The following ABCF1 variants were observed in gnomAD, a reference collection of about 807,000 sequenced individuals.
ABCF1 encodes the protein ATP-binding cassette sub-family F member 1.
ABCF1 carries 73 observed loss-of-function variants against 126.3 expected under a neutral mutation model. That is an observed-to-expected ratio of 0.58 (90% CI 0.48 to 0.70). The LOEUF is 0.70. Among genes scored for constraint, ABCF1 ranks in the 30% least tolerant of loss-of-function variants. ABCF1 has a pLI of 0.00. For synonymous variants in ABCF1, 345 were observed against 396.4 expected, an observed-to-expected ratio of 0.87 and a Z score of 1.54; for missense variants, 786 against 1,057.5, an observed-to-expected ratio of 0.74 and a Z score of 3.56.
At position 30,580,420 on chromosome 6, in the gene ABCF1, C is replaced by T. The variant is rs760626005; in HGVS notation, c.579C>T (p.Phe193=). 4.8e-5 allele frequency: 73 copies of T among 1,534,096 alleles called. No individual in the cohort carries two copies. Among genetic ancestry groups the T allele is most frequent in the Middle Eastern group, 1.7e-4 (1 of 5,880 alleles). Residue 193 remains phenylalanine (F), a synonymous_variant, in exon 8 of 25, where the codon TTC becomes TTT. Transcript: ENST00000326195. ...SKGKAKPQNK[F]AALDNEEEDK... is the part of the protein sequence containing the mutation. Reference sequence around the variant, plus strand: ...TTCCCTATTAGCCTCAAAATAAATTCGCTGCTCTGGACAATGAAGAGGAGG... The same window carrying T: ...TTCCCTATTAGCCTCAAAATAAATTTGCTGCTCTGGACAATGAAGAGGAGG...
At chr6:30,585,221 TTCTC>T (rs1802047161) in intron 14 of ABCF1, 35 bp from the exon 15 acceptor site, 2 of 1,571,138 alleles carry the variant, frequency 1.3e-6, no homozygotes, top group Non-Finnish European at 1.8e-6. Flanking sequence ...GCAAGGATCT[TTCTC>T]TCCCTGACCC....
At chr6:30,575,057 C>A (rs1012403049) in intron 1 of ABCF1, among the ~76,000 whole-genome samples, 1 of 150,768 alleles carries the variant, frequency 6.6e-6, no homozygotes, top group African/African-American at 2.4e-5. Flanking sequence ...TGGCGGATAC[C>A]ATTGACTTTT....
chr6:30,582,358 G>A (rs746789963), intron 8 of ABCF1, 36 bp from the exon 9 acceptor site: 28 of 1,402,610 alleles, frequency 2.0e-5, no homozygotes, highest in Non-Finnish European at 2.5e-5. Context: ...GCCCAGCCAG[G>A]AGTCCCTAGT....
At position 30,590,133 on chromosome 6, in the gene ABCF1, C is replaced by G. The variant is rs1383542583; in HGVS notation, c.2234-16C>G. 3 of 1,612,882 alleles carry G rather than the reference C, an allele frequency of 1.9e-6. No individual in the cohort carries two copies. The South Asian group carries it at 3.3e-5, about 18-fold the overall frequency. On this transcript the variant is annotated splice_polypyrimidine_tract_variant and intron_variant, in intron 22 of 24. Transcript: ENST00000326195. ...GAGGTGCTAGGTGTGACAGCCCTCC[C>G]CTTCCTTTGCTACAGGTGGTCAGAA...
Position 30,580,449 on chromosome 6 carries a change from A to G in ABCF1, c.608A>G (p.Lys203Arg). The G allele has an allele frequency of 6.5e-7, 1 of 1,536,588 alleles. No homozygotes were observed. The highest frequency in any genetic ancestry group is 8.7e-7 in the Non-Finnish European group (1 of 1,154,774). The change falls in exon 8 of 25, where the codon AAA becomes AGA. Residue 203 changes from lysine to arginine, a missense_variant. Transcript: ENST00000326195. ...GCTCTGGACAATGAAGAGGAGGATA[A>G]AGAAGAAGAAATTATAAAGGAAAAG... is the stretch of plus-strand genomic sequence containing the variant. ...FAALDNEEED[K>R]EEEIIKEKEP...
intron 1 of ABCF1, among the ~76,000 whole-genome samples, chr6:30,575,267 A>C (rs918459178): frequency 6.6e-6 from 1 of 151,480 alleles, no homozygotes; most frequent in African/African-American, 2.4e-5. Flanking sequence ...ATGGGGTTTC[A>C]CCATGTTGGC....
At chr6:30,582,781 C>T (rs971587480) in intron 9 of ABCF1, among the ~76,000 whole-genome samples, 7 of 152,188 alleles carry the variant, frequency 4.6e-5, no homozygotes, top group African/African-American at 1.7e-4. Flanking sequence ...GCAGCCTCAA[C>T]CTACCAGGCT....
At position 30,590,733 on chromosome 6, in the gene ABCF1, T is replaced by C. The variant is rs749364491; in HGVS notation, c.*32T>C. 1.3e-6 allele frequency: 2 copies of C among 1,580,300 alleles called. No homozygotes were observed. Among genetic ancestry groups the C allele is most frequent in the Non-Finnish European group, 1.7e-6 (2 of 1,163,734 alleles). The stretch of plus-strand genomic sequence containing the variant: ...CTTCCCAGAAGTCTCCCGAGAGACA[T>C]ATTTGTGTGGCCTAGAAGTCCTCTG... On this transcript the variant is annotated 3_prime_UTR_variant, in exon 25 of 25. Transcript: ENST00000326195.
intron 20 of ABCF1, among the ~76,000 whole-genome samples, chr6:30,587,310 G>A (rs1028571968): frequency 6.6e-6 from 1 of 151,924 alleles, no homozygotes; most frequent in African/African-American, 2.4e-5. Context: ...CAACTCTTTG[G>A]GGGAGGCTGA....
At chr6:30,588,824 T>C (rs962446404) in intron 20 of ABCF1, among the ~76,000 whole-genome samples, 1 of 152,138 alleles carries the variant, frequency 6.6e-6, no homozygotes, top group Non-Finnish European at 1.5e-5. Context: ...ACACTAAACT[T>C]GCCACATGAG....
chr6:30,584,039 G>C lies in ABCF1; in HGVS notation c.1102+149G>C, dbSNP rs1468040379. 7.2e-7 allele frequency: 1 copy of C among 1,392,524 alleles called. No individual in the cohort carries two copies. Among genetic ancestry groups the C allele is most frequent in the African/African-American group, 1.4e-5 (1 of 69,460 alleles). 86.3% of individuals were successfully genotyped at this position (1,392,524 alleles called of 1,614,324 possible). On this transcript the variant is annotated intron_variant, in intron 12 of 24. Transcript: ENST00000326195. This position sits in a 1 kb window ranked among gnomAD's most constrained non-coding sequence, Gnocchi z 4.6. ...CGGGAAAGGGATGCTAAGGAAAGGA[G>C]GGGAGGGTCAATGAGGAACTTGAGA...
In ABCF1 at chr6:30,583,379, T is replaced by C. The variant is rs147918138; in HGVS notation, c.915+191T>C. 0.016 allele frequency among the ~76,000 whole-genome samples: 2,410 copies of C among 152,320 alleles called. 37 individuals are homozygous for C. Among genetic ancestry groups the C allele is most frequent in the Middle Eastern group, 0.034 (10 of 294 alleles). Reference sequence around the variant, plus strand: ...AACCAGTAGAAGTGGGGTCCACCCTTGGCAGAAAATAGTGTGGGACAGACT... The same window carrying C: ...AACCAGTAGAAGTGGGGTCCACCCTCGGCAGAAAATAGTGTGGGACAGACT... On this transcript the variant is annotated intron_variant, in intron 10 of 24. Transcript: ENST00000326195. This position sits in a 1 kb window ranked among gnomAD's most constrained non-coding sequence, Gnocchi z 4.1.
rs575277265 is a variant in ABCF1 at position 30,580,542 on chromosome 6, A to C, written c.678+23A>C. 2.5e-4 allele frequency: 357 copies of C among 1,400,114 alleles called. 2 individuals carry two copies. The South Asian group carries it at 5.0e-3, about 20-fold the overall frequency. 86.7% of individuals were successfully genotyped at this position (1,400,114 alleles called of 1,614,324 possible). A position where few individuals can be genotyped will look rare whatever the true frequency, so the allele number is the denominator to read the frequency against. On this transcript the variant is annotated intron_variant, in intron 8 of 24. Transcript: ENST00000326195. ...CAGGTGTGTATTTGGTGTTGGGGCAAGGTGGAATGAGGGACTAGGGCTTCC... is the reference window on the plus strand; with the variant it reads ...CAGGTGTGTATTTGGTGTTGGGGCACGGTGGAATGAGGGACTAGGGCTTCC...
intron 1 of ABCF1, 76 bp downstream of exon 1, chr6:30,571,636 A>C (rs905057975): frequency 1.3e-5 from 19 of 1,498,714 alleles, no homozygotes; most frequent in Non-Finnish European, 1.7e-5. Context: ...AGAGAGGGTC[A>C]TGGGGCACGA....
At chr6:30,590,442 C>G in intron 24 of ABCF1, 64 bp downstream of exon 24, 1 of 1,575,674 alleles carries the variant, frequency 6.3e-7, no homozygotes, top group Admixed American at 1.8e-5. Flanking sequence ...GTGTCCTTCA[C>G]TACAGAAGGG....
At position 30,585,922 on chromosome 6, in the gene ABCF1, G is replaced by A. The variant is rs901683744; in HGVS notation, c.1644G>A (p.Leu548=). The A allele has an allele frequency of 3.1e-6, 5 of 1,610,332 alleles. No individual in the cohort carries two copies. Among genetic ancestry groups the A allele is most frequent in the East Asian group, 4.5e-5 (2 of 44,852 alleles). The change falls in exon 17 of 25, where the codon CTG becomes CTA. Residue 548 remains leucine (L), a synonymous_variant. Transcript: ENST00000326195. ...KMYQQKQKEL[L]KQYEKQEKKL... Reference sequence around the variant, plus strand: ...ACCAGCAGAAGCAGAAAGAACTGCTGAAACAGTATGAGAAGCAAGAGAAAA... The same window carrying A: ...ACCAGCAGAAGCAGAAAGAACTGCTAAAACAGTATGAGAAGCAAGAGAAAA...
At position 30,590,733 on chromosome 6, in the gene ABCF1, T is replaced by A. The variant is rs749364491; in HGVS notation, c.*32T>A. On this transcript the variant is annotated 3_prime_UTR_variant, in exon 25 of 25. Transcript: ENST00000326195. ...CTTCCCAGAAGTCTCCCGAGAGACA[T>A]ATTTGTGTGGCCTAGAAGTCCTCTG... The A allele has an allele frequency of 3.2e-6, 5 of 1,580,300 alleles. No individual in the cohort carries two copies. Among genetic ancestry groups the A allele is most frequent in the Non-Finnish European group, 2.6e-6 (3 of 1,163,734 alleles).
intron 8 of ABCF1, among the ~76,000 whole-genome samples, 180 bp downstream of exon 8, chr6:30,580,699 G>T (rs1801772869): frequency 6.6e-6 from 1 of 151,986 alleles, no homozygotes; most frequent in African/African-American, 2.4e-5. Context: ...GTTTACACAG[G>T]ATCTTACTCT....
chr6:30,585,792 T>C, intron 16 of ABCF1, 87 bp from the exon 17 acceptor site: 1 of 1,563,992 alleles, frequency 6.4e-7, no homozygotes, highest in Non-Finnish European at 8.7e-7. Context: ...CAGACAGTGA[T>C]GCCTACCCCA....
Sources: gnomAD v4.1 joint callset for allele counts (sites outside exome capture counted in the v4.1 genomes callset) on GRCh38, gnomAD v4.1.1 for gene constraint, Gnocchi (gnomAD v3.1) non-coding constraint, MANE v1.5 for transcripts, NCBI Gene and HGNC (gene_info 2026-07-23, HGNC 2026-07-21) for gene names.